Variants in TRAPPC11 observed in about 807,000 individuals in gnomAD.
The protein encoded by TRAPPC11 is trafficking protein particle complex subunit 11, also known as foie gras homolog.
TRAPPC11 carries 104 observed loss-of-function variants against 151.2 expected under a neutral mutation model. The ratio of observed to expected loss-of-function variants is 0.69; its 90% CI spans 0.59 to 0.81. The LOEUF is 0.81. Among genes scored for constraint, TRAPPC11 ranks in the 30% least tolerant of loss-of-function variants. The probability of loss-of-function intolerance (pLI) is 0.00; values close to 1 mark genes in which losing one functional copy is unlikely to be tolerated. For synonymous variants in TRAPPC11, 456 were observed against 472.3 expected (o/e 0.97, Z 0.45); for missense variants, 1,230 against 1,349.6 (o/e 0.91, Z 1.39).
rs749273905 is a variant in TRAPPC11, at chr4:183,667,046, CT to C, written c.375-9del. On this transcript the variant is annotated splice_polypyrimidine_tract_variant and intron_variant, in intron 3 of 29. Coordinates refer to ENST00000334690, the MANE Select transcript of TRAPPC11 (RefSeq NM_021942.6). The stretch of plus-strand genomic sequence containing the variant: ...GTTAAAATAATTAATTTTATTCTTG[CT>C]TTTTCATTGCAGGCAAAGTTTACAA... 4.5e-5 allele frequency: 71 copies of C among 1,584,820 alleles called. No individual in the cohort carries two copies. The highest frequency in any genetic ancestry group is 1.7e-4 in the Middle Eastern group (1 of 5,730).
Position 183,694,588 on chromosome 4 carries a change from A to T in TRAPPC11, c.2509-16A>T. On this transcript the variant is annotated splice_polypyrimidine_tract_variant and intron_variant, in intron 22 of 29. Coordinates refer to ENST00000334690, the MANE Select transcript of TRAPPC11 (RefSeq NM_021942.6). ...TCTGTAATACTAATTAAATTACAAC[A>T]TTTATTTTGTTACAGCTGGAAAAAA... The T allele has an allele frequency of 6.2e-7, 1 of 1,606,754 alleles. No individual in the cohort carries two copies. Among genetic ancestry groups the T allele is most frequent in the Non-Finnish European group, 8.5e-7 (1 of 1,175,490 alleles).
At position 183,674,717 on chromosome 4, in the gene TRAPPC11, GA is replaced by G; in HGVS notation, c.569del (p.Asn190MetfsTer18). ...DHLVGYIIRL[E>X]NAFYEHAQTY... is the part of the protein sequence containing the mutation. ...GTTTGTTTTTGTTTTTTACAGATTG[GA>G]AAATGCCTTTTATGAACATGCACAG... On this transcript the variant is annotated frameshift_variant, in exon 6 of 30. Coordinates refer to ENST00000334690, the MANE Select transcript of TRAPPC11 (RefSeq NM_021942.6). LOFTEE classifies it high-confidence loss of function. The G allele has an allele frequency of 1.3e-6, 2 of 1,528,704 alleles. No individual in the cohort carries two copies. Among genetic ancestry groups the G allele is most frequent in the Admixed American group, 2.2e-5 (1 of 46,028 alleles). The allele number at this position is 1,528,704 out of a possible 1,614,324, so 94.7% of individuals were successfully genotyped here. A position where few individuals can be genotyped will look rare whatever the true frequency, so the allele number is the denominator to read the frequency against.
rs7697589 is a variant in TRAPPC11 at position 183,692,061 on chromosome 4, T to C, written c.2049+590T>C. 8.9e-3 allele frequency among the ~76,000 whole-genome samples: 1,362 copies of C among 152,338 alleles called. 24 individuals carry two copies. Among genetic ancestry groups the C allele is most frequent in the African/African-American group, 0.031 (1,296 of 41,572 alleles). The stretch of plus-strand genomic sequence containing the variant: ...AATTACAGCTCTCTAGCTTATTAGC[T>C]TGTGGCCCTGGGCAGTTACTTAGCT... On this transcript the variant is annotated intron_variant, in intron 19 of 29. Transcript: ENST00000334690.
At chr4:183,665,340 C>T (rs1265460960) in intron 2 of TRAPPC11, among the ~76,000 whole-genome samples, 2 of 152,050 alleles carry the variant, frequency 1.3e-5, no homozygotes, top group East Asian at 1.9e-4. Context: ...GTGATCTGCC[C>T]ACCTTGGCCT....
chr4:183,680,614 T>C (rs1192699071), intron 10 of TRAPPC11, among the ~76,000 whole-genome samples: 1 of 151,718 alleles, frequency 6.6e-6, no homozygotes, highest in Non-Finnish European at 1.5e-5. Context: ...GAAATCTGTT[T>C]TGACCCACTG....
At chr4:183,704,858 A>C in intron 26 of TRAPPC11, 121 bp from the exon 27 acceptor site, 1 of 499,958 alleles carries the variant, frequency 2.0e-6, no homozygotes, top group Non-Finnish European at 3.6e-6. Flanking sequence ...TGGGAAATGG[A>C]TAAGTAACAT....
chr4:183,691,431 A>G lies in TRAPPC11; in HGVS notation c.2009A>G (p.Lys670Arg). The change falls in exon 19 of 30, where the codon AAG (lysine) becomes AGG (arginine). Residue 670 changes from lysine to arginine, a missense_variant. Coordinates refer to ENST00000334690, the MANE Select transcript of TRAPPC11 (RefSeq NM_021942.6). Reference protein sequence around the residue: ...VPGKTRKLLFKFVAKTEDVGK... With the variant: ...VPGKTRKLLFRFVAKTEDVGK... ...GGCAAAACAAGAAAACTGTTATTTAAGTTTGTTGCAAAAACTGAAGATGTG... is the reference window on the plus strand; with the variant it reads ...GGCAAAACAAGAAAACTGTTATTTAGGTTTGTTGCAAAAACTGAAGATGTG... 6.6e-7 allele frequency: 1 copy of G among 1,525,204 alleles called. No individual in the cohort carries two copies. Among genetic ancestry groups the G allele is most frequent in the Non-Finnish European group, 8.9e-7 (1 of 1,124,360 alleles). 94.5% of individuals were successfully genotyped at this position (1,525,204 alleles called of 1,614,324 possible). A position where few individuals can be genotyped will look rare whatever the true frequency, so the allele number is the denominator to read the frequency against.
intron 18 of TRAPPC11, among the ~76,000 whole-genome samples, chr4:183,690,991 G>T (rs1038231869): frequency 1.3e-5 from 2 of 152,086 alleles, no homozygotes; most frequent in Admixed American, 1.3e-4. Flanking sequence ...AAAGATTATA[G>T]CATCACAGAA....
chr4:183,701,610 T>C (rs551130403), intron 25 of TRAPPC11, 87 bp from the exon 26 acceptor site: 2 of 887,186 alleles, frequency 2.3e-6, no homozygotes, highest in East Asian at 2.5e-5. Context: ...GGTGAGGTGT[T>C]CTTTCTTTGT....
Position 183,679,337 on chromosome 4 carries a change from A to C in TRAPPC11, c.832-16A>C, listed in dbSNP as rs1194645106. 6.4e-7 allele frequency: 1 copy of C among 1,554,342 alleles called. No individual in the cohort carries two copies. Among genetic ancestry groups the C allele is most frequent in the Admixed American group, 2.1e-5 (1 of 47,676 alleles). On this transcript the variant is annotated splice_polypyrimidine_tract_variant and intron_variant, in intron 8 of 29. Transcript: ENST00000334690. ...CTTTTTTTCCTTTATTTTGGGATCA[A>C]TTTTACATTTTGCAGATCTGTAGGC...
At chr4:183,666,230 CTT>C in intron 2 of TRAPPC11, 25 bp from the exon 3 acceptor site, 1 of 1,600,934 alleles carries the variant, frequency 6.2e-7, no homozygotes, top group Non-Finnish European at 8.5e-7. Context: ...TGTCAGGTAA[CTT>C]TTCAATTTCT....
intron 5 of TRAPPC11, among the ~76,000 whole-genome samples, chr4:183,669,341 C>T (rs1735033632): frequency 6.6e-6 from 1 of 152,142 alleles, no homozygotes; most frequent in Admixed American, 6.5e-5. Context: ...ACTCAGGCAG[C>T]TTTTCTTTCC....
At chr4:183,706,988 G>A in intron 28 of TRAPPC11, 48 bp downstream of exon 28, 2 of 1,599,298 alleles carry the variant, frequency 1.3e-6, no homozygotes, top group Non-Finnish European at 1.7e-6. Context: ...AAGTGTGCCA[G>A]GAAACGGAGA....
Position 183,667,092 on chromosome 4 carries a change from C to G in TRAPPC11, c.407C>G (p.Ala136Gly), listed in dbSNP as rs1472931579. The change falls in exon 4 of 30, where the codon GCA (alanine) becomes GGA (glycine). Residue 136 changes from alanine to glycine, a missense_variant. Transcript: ENST00000334690. ...QSLQGRNTKVAVVLIQKKTPL... is the reference protein window; with the variant it reads ...QSLQGRNTKVGVVLIQKKTPL... ...TTACAAGGAAGAAACACAAAAGTTG[C>G]AGTGGTTCTGATTCAGAAGAAAACC... 2 of 1,603,370 alleles carry G rather than the reference C, an allele frequency of 1.2e-6. No homozygotes were observed. The highest frequency in any genetic ancestry group is 8.5e-7 in the Non-Finnish European group (1 of 1,173,056).
chr4:183,710,508 G>A (rs945713966), intron 29 of TRAPPC11, among the ~76,000 whole-genome samples: 2 of 151,352 alleles, frequency 1.3e-5, no homozygotes, highest in African/African-American at 2.4e-5. Context: ...GGATGGTCTC[G>A]ATCTCCTGAC....
Position 183,694,050 on chromosome 4 carries a change from C to A in TRAPPC11, c.2508+12C>A. On this transcript the variant is annotated intron_variant, in intron 22 of 29. Transcript: ENST00000334690. ...ATCCAGGGGAACAGGTAAACTTGGTCAACTGGGATTGAAGAGGAAATCAAT... is the reference window on the plus strand; with the variant it reads ...ATCCAGGGGAACAGGTAAACTTGGTAAACTGGGATTGAAGAGGAAATCAAT... 4 of 1,612,298 alleles carry A rather than the reference C, an allele frequency of 2.5e-6. No individual in the cohort carries two copies. The highest frequency in any genetic ancestry group is 1.1e-5 in the South Asian group (1 of 90,712).
intron 26 of TRAPPC11, among the ~76,000 whole-genome samples, chr4:183,702,894 A>G (rs1396708721): frequency 6.6e-6 from 1 of 152,210 alleles, no homozygotes; most frequent in Non-Finnish European, 1.5e-5. Context: ...TGTTTATACA[A>G]CTCAGAGTAA....
intron 18 of TRAPPC11, among the ~76,000 whole-genome samples, chr4:183,687,544 G>A (rs1736046072): frequency 6.6e-6 from 1 of 151,940 alleles, no homozygotes; most frequent in Non-Finnish European, 1.5e-5. Context: ...GCCCAAGCTG[G>A]TCTTGAACTC....
intron 8 of TRAPPC11, among the ~76,000 whole-genome samples, chr4:183,678,880 T>C (rs1199149677): frequency 6.6e-6 from 1 of 152,214 alleles, no homozygotes; most frequent in Non-Finnish European, 1.5e-5. Flanking sequence ...TAGTACTATT[T>C]TGAAATAGCA....
Sources: allele counts gnomAD v4.1 joint callset (sites outside exome capture counted in the v4.1 genomes callset), GRCh38; gene constraint gnomAD v4.1.1; transcripts MANE v1.5; gene names NCBI Gene and HGNC (gene_info 2026-07-23, HGNC 2026-07-21).